The following KLHL2 variants were observed in gnomAD, a reference collection of about 807,000 sequenced individuals.
KLHL2 encodes the protein kelch like family member 2.
KLHL2 carries 15 observed loss-of-function variants against 75.8 expected under a neutral mutation model. That is an observed-to-expected ratio of 0.20 (90% confidence interval 0.13 to 0.30). The LOEUF (loss-of-function observed/expected upper bound fraction) is 0.30. KLHL2 is among the 10% of genes least tolerant of loss of function. KLHL2 has a pLI of 1.00. For synonymous variants in KLHL2, 214 were observed against 251.9 expected (o/e 0.85, Z 1.42); for missense variants, 381 against 741.0 (o/e 0.51, Z 5.64).
chr4:165,284,340 T>G (rs1743925111), intron 5 of KLHL2, among the ~76,000 whole-genome samples: 2 of 152,186 alleles, frequency 1.3e-5, no homozygotes, highest in African/African-American at 4.8e-5. Flanking sequence ...CCAAGTCACC[T>G]CTTGAATGCT....
intron 5 of KLHL2, among the ~76,000 whole-genome samples, chr4:165,275,485 G>A (rs1215278122): frequency 6.6e-6 from 1 of 152,006 alleles, no homozygotes; most frequent in Non-Finnish European, 1.5e-5. Context: ...ACATTTAAGG[G>A]GACAAAAATT....
In KLHL2 at chr4:165,270,712, C is replaced by T. The variant is rs188944784; in HGVS notation, c.544+7353C>T. On this transcript the variant is annotated intron_variant, in intron 5 of 14. Transcript: ENST00000226725. ...CTGGAAGCTTCATCCCAGAGGGGCA[C>T]CCACCTGTTTGAGGTGTCTGTCATC... 3.8e-3 allele frequency among the ~76,000 whole-genome samples: 572 copies of T among 152,246 alleles called. 5 individuals are homozygous for T. The highest frequency in any genetic ancestry group is 0.013 in the African/African-American group (553 of 41,564).
Position 165,311,403 on chromosome 4 carries a change from T to G in KLHL2, c.1238-61T>G. 2.5e-6 allele frequency: 3 copies of G among 1,176,718 alleles called. No individual in the cohort carries two copies. In the Admixed American group the frequency reaches 6.0e-5, roughly 24 times the overall value. The allele number at this position is 1,176,718 out of a possible 1,614,324, so 72.9% of individuals were successfully genotyped here. A position where few individuals can be genotyped will look rare whatever the true frequency, so the allele number is the denominator to read the frequency against. ...ATAACATACCTGAAGTATTTTTCCA[T>G]ATATATGAACTATTGACATTTTTTA... On this transcript the variant is annotated intron_variant, in intron 10 of 14. Transcript: ENST00000226725.
At position 165,207,725 on chromosome 4, in the gene KLHL2, C is replaced by T. The variant is rs548295917; in HGVS notation, c.-152C>T. ...GGGCCATGGCCGCGGGGGCCGCCGC[C>T]GCAGGTGGTGGCGCGCGGTGAGGAG... On this transcript the variant is annotated 5_prime_UTR_variant, in exon 1 of 15. Transcript: ENST00000226725. This position sits in a 1 kb window ranked among gnomAD's most constrained non-coding sequence, Gnocchi z 4.2. 3.0e-4 allele frequency: 112 copies of T among 374,406 alleles called. No individual in the cohort carries two copies. Among genetic ancestry groups the T allele is most frequent in the African/African-American group, 1.9e-3 (86 of 45,586 alleles). 23.2% of individuals were successfully genotyped at this position (374,406 alleles called of 1,614,324 possible).
chr4:165,207,757 G>A lies in KLHL2; in HGVS notation c.-120G>A. 2 of 780,554 alleles carry A rather than the reference G, an allele frequency of 2.6e-6. No homozygotes were observed. The highest frequency in any genetic ancestry group is 1.9e-5 in the African/African-American group (1 of 53,758). 48.4% of individuals were successfully genotyped at this position (780,554 alleles called of 1,614,324 possible). ...GGTGGCGCGCGGTGAGGAGAGCGCG[G>A]CGCCCCCTCCGGGGCGGATGGAACG... On this transcript the variant is annotated 5_prime_UTR_variant, in exon 1 of 15. Transcript: ENST00000226725. This position sits in a 1 kb window ranked among gnomAD's most constrained non-coding sequence, Gnocchi z 4.2.
In KLHL2 at chr4:165,264,765, T is replaced by TAA. The variant is rs199982052; in HGVS notation, c.544+1409_544+1410dup. Reference sequence around the variant, plus strand: ...GTATATATATATATATATATATATATAAAACATTATCCACTCATTGGCTGA... The same window carrying TAA: ...GTATATATATATATATATATATATATAAAAAACATTATCCACTCATTGGCTGA... On this transcript the variant is annotated intron_variant, in intron 5 of 14. Coordinates refer to ENST00000226725, the MANE Select transcript of KLHL2 (RefSeq NM_007246.4). Among the ~76,000 whole-genome samples, 248 of 93,888 alleles carry TAA rather than the reference T, an allele frequency of 2.6e-3. 3 individuals are homozygous for TAA. The highest frequency in any genetic ancestry group is 5.0e-3 in the South Asian group (16 of 3,196). The allele number at this position is 93,888 out of a possible 152,430, so 61.6% of individuals were successfully genotyped here.
intron 1 of KLHL2, chr4:165,209,489 C>T (rs1344179136): frequency 6.6e-6 from 1 of 152,104 alleles, no homozygotes; most frequent in Admixed American, 6.6e-5. Flanking sequence ...GGGAAAGCAG[C>T]CTCTGGAGGG....
At chr4:165,209,936 T>C in intron 1 of KLHL2, 1 of 1,319,974 alleles carries the variant, frequency 7.6e-7, no homozygotes. Context: ...TCCACTCCCA[T>C]TAACATCCCT....
intron 5 of KLHL2, among the ~76,000 whole-genome samples, chr4:165,275,630 C>T (rs564491417): frequency 1.5e-3 from 229 of 152,102 alleles, no homozygotes; most frequent in Non-Finnish European, 2.7e-3. Flanking sequence ...AAAATAGAGA[C>T]GGGCTCTTGC....
rs1742251363 is a variant in KLHL2 at position 165,266,480 on chromosome 4, C to T, written c.544+3121C>T. Among the ~76,000 whole-genome samples, 3 of 152,102 alleles carry T rather than the reference C, an allele frequency of 2.0e-5. No individual in the cohort carries two copies. The South Asian group carries it at 6.2e-4, about 31-fold the overall frequency. Reference sequence around the variant, plus strand: ...TCTAACATTTAAGTCTTTAACTCATCTTGAGTTAATTTTTTATATGGTGTA... The same window carrying T: ...TCTAACATTTAAGTCTTTAACTCATTTTGAGTTAATTTTTTATATGGTGTA... On this transcript the variant is annotated intron_variant, in intron 5 of 14. Transcript: ENST00000226725.
chr4:165,278,301 G>A (rs559069251), intron 5 of KLHL2: 19 of 1,073,490 alleles, frequency 1.8e-5, no homozygotes, highest in Admixed American at 1.7e-4. Context: ...GGCATCAAGG[G>A]CTTCACTACT....
intron 5 of KLHL2, among the ~76,000 whole-genome samples, chr4:165,292,837 T>C (rs376282001): frequency 1.3e-5 from 2 of 152,222 alleles, no homozygotes; most frequent in East Asian, 1.9e-4. Flanking sequence ...ATATGGTTCA[T>C]TGTGACGACC....
chr4:165,208,020 T>TG, intron 1 of KLHL2, 118 bp downstream of exon 1: 4 of 636,082 alleles, frequency 6.3e-6, no homozygotes, highest in Non-Finnish European at 8.7e-6. Flanking sequence ...AGGTGGGAGA[T>TG]GCGGGGCGTG....
At chr4:165,311,839 GTGTGTGTTTGACTTATATAAC>G (rs1746221773) in intron 11 of KLHL2, among the ~76,000 whole-genome samples, 1 of 149,210 alleles carries the variant, frequency 6.7e-6, no homozygotes, top group Non-Finnish European at 1.5e-5. Context: ...GTGTGTGTGT[GTGTGTGTTTGACTTATATAAC>G]TGTGTGTGTT....
chr4:165,319,219 C>G lies in KLHL2; in HGVS notation c.1753+1250C>G, dbSNP rs867900967. On this transcript the variant is annotated intron_variant, in intron 14 of 14. Transcript: ENST00000226725. The surrounding 1 kb of genome is among the most constrained non-coding windows in gnomAD (Gnocchi z 4.5). ...GGGGGGCTAATTACCTTTGAAAGAGCAGTTTGTCTCTTCAGCGATGCGTAT... is the reference window on the plus strand; with the variant it reads ...GGGGGGCTAATTACCTTTGAAAGAGGAGTTTGTCTCTTCAGCGATGCGTAT... Among the ~76,000 whole-genome samples, 1 of 152,162 alleles carries G rather than the reference C, an allele frequency of 6.6e-6. No individual in the cohort carries two copies. Among genetic ancestry groups the G allele is most frequent in the Non-Finnish European group, 1.5e-5 (1 of 68,028 alleles).
chr4:165,272,922 T>G (rs1217856046), intron 5 of KLHL2, among the ~76,000 whole-genome samples: 1 of 152,206 alleles, frequency 6.6e-6, no homozygotes, highest in African/African-American at 2.4e-5. Flanking sequence ...GAAGCATTGA[T>G]TCTTCATTTT....
intron 4 of KLHL2, among the ~76,000 whole-genome samples, chr4:165,244,159 AT>A (rs1437179707): frequency 6.6e-6 from 1 of 152,132 alleles, no homozygotes; most frequent in Non-Finnish European, 1.5e-5. Context: ...GTCTAATTGG[AT>A]TGAAAACATT....
rs1560784352 is a variant in KLHL2, at chr4:165,264,759, TATATATAA to T, written c.544+1402_544+1409del. ...ATATATGTATATATATATATATATA[TATATATAA>T]AACATTATCCACTCATTGGCTGATG... is the stretch of plus-strand genomic sequence containing the variant. On this transcript the variant is annotated intron_variant, in intron 5 of 14. Transcript: ENST00000226725. Among the ~76,000 whole-genome samples the T allele has an allele frequency of 8.2e-3, 769 of 93,694 alleles. 14 individuals are homozygous for T. The highest frequency in any genetic ancestry group is 0.033 in the East Asian group (103 of 3,094). The allele number at this position is 93,694 out of a possible 152,430, so 61.5% of individuals were successfully genotyped here.
intron 10 of KLHL2, 24 bp from the exon 11 acceptor site, chr4:165,311,440 G>T: frequency 6.6e-7 from 1 of 1,506,990 alleles, no homozygotes; most frequent in Non-Finnish European, 9.2e-7. Context: ...AGAAGGAAAT[G>T]AAGACTATTG....
Sources: gnomAD v4.1 joint callset for allele counts (sites outside exome capture counted in the v4.1 genomes callset) on GRCh38, gnomAD v4.1.1 for gene constraint, Gnocchi (gnomAD v3.1) non-coding constraint, MANE v1.5 for transcripts, NCBI Gene and HGNC (gene_info 2026-07-23, HGNC 2026-07-21) for gene names.